SYT1: variants seen among roughly 807,000 people sequenced by gnomAD.
SYT1 encodes the protein synaptotagmin-1.
Under a neutral mutation model 44.8 loss-of-function variants are expected in SYT1, and 8 were observed. The observed-to-expected ratio is 0.18, with a 90% CI of 0.10 to 0.32. The LOEUF (loss-of-function observed/expected upper bound fraction) is 0.32, where lower values mean the gene tolerates loss of function less well. SYT1 is among the 10% of genes least tolerant of loss of function. The pLI is 1.00. For synonymous variants in SYT1, 154 were observed against 188.8 expected (o/e 0.82, Z 1.51); for missense variants, 286 against 509.3 (o/e 0.56, Z 4.22).
chr12:79,116,066 G>A (rs1247546141), intron 3 of SYT1, among the ~76,000 whole-genome samples: 21 of 152,132 alleles, frequency 1.4e-4, no homozygotes, highest in Admixed American at 1.4e-3. Flanking sequence ...GGATGACCTT[G>A]GAATTATCAT....
intron 8 of SYT1, among the ~76,000 whole-genome samples, chr12:79,345,503 C>G (rs1882569425): frequency 6.6e-6 from 1 of 152,116 alleles, no homozygotes; most frequent in Non-Finnish European, 1.5e-5. Context: ...CGAATATAAA[C>G]CAATGAGTTA....
chr12:79,265,778 A>T (rs1042925170), intron 4 of SYT1, among the ~76,000 whole-genome samples: 1 of 152,316 alleles, frequency 6.6e-6, no homozygotes, highest in Non-Finnish European at 1.5e-5. Context: ...CAGAAAGTGA[A>T]AAAAACTATA....
intron 2 of SYT1, among the ~76,000 whole-genome samples, chr12:79,046,928 C>T (rs1334478219): frequency 6.6e-6 from 1 of 151,748 alleles, no homozygotes; most frequent in Non-Finnish European, 1.5e-5. Context: ...TGAGACAGCA[C>T]CAGATATTTA....
intron 1 of SYT1, among the ~76,000 whole-genome samples, chr12:78,876,917 A>G (rs1264644482): frequency 1.8e-5 from 2 of 112,070 alleles, no homozygotes; most frequent in African/African-American, 6.4e-5. Flanking sequence ...TATGTATTAT[A>G]TATAATATAT....
chr12:79,320,966 C>T (rs1592963939), intron 8 of SYT1, among the ~76,000 whole-genome samples: 2 of 152,020 alleles, frequency 1.3e-5, no homozygotes, highest in African/African-American at 4.8e-5. Flanking sequence ...CCACTGCAAA[C>T]CCCCAAACCC....
chr12:78,882,388 T>G (rs1338759881), intron 1 of SYT1, among the ~76,000 whole-genome samples: 1 of 151,716 alleles, frequency 6.6e-6, no homozygotes, highest in African/African-American at 2.4e-5. Flanking sequence ...GAATACAAAT[T>G]TAATCACTCT....
chr12:78,959,477 T>C (rs1879389863), intron 1 of SYT1, among the ~76,000 whole-genome samples: 1 of 152,226 alleles, frequency 6.6e-6, no homozygotes, highest in Admixed American at 6.6e-5. Flanking sequence ...TCAAATTTGT[T>C]CTTTAATTTT....
chr12:78,876,846 A>ATTATATATATTATATG, intron 1 of SYT1, among the ~76,000 whole-genome samples: 1 of 41,110 alleles, frequency 2.4e-5, no homozygotes, highest in East Asian at 6.8e-4. Context: ...TATATAATAT[A>ATTATATATATTATATG]TATTATATAT....
intron 9 of SYT1, among the ~76,000 whole-genome samples, chr12:79,436,994 G>T (rs762709878): frequency 6.6e-6 from 1 of 152,264 alleles, no homozygotes; most frequent in East Asian, 1.9e-4. Flanking sequence ...AAATCTTCAG[G>T]GAAGTGGTGA....
chr12:79,288,147 G>A (rs1208277031), intron 5 of SYT1, among the ~76,000 whole-genome samples: 2 of 152,000 alleles, frequency 1.3e-5, no homozygotes, highest in Admixed American at 1.3e-4. Context: ...AGCTAATCAT[G>A]GGTTCCATCA....
chr12:79,322,523 A>G (rs894344405), intron 8 of SYT1, among the ~76,000 whole-genome samples: 1 of 152,198 alleles, frequency 6.6e-6, no homozygotes, highest in Non-Finnish European at 1.5e-5. Flanking sequence ...TTATGAGTGT[A>G]TCAGTGAATA....
At chr12:79,275,434 C>T (rs1278342258) in intron 4 of SYT1, among the ~76,000 whole-genome samples, 1 of 152,096 alleles carries the variant, frequency 6.6e-6, no homozygotes, top group African/African-American at 2.4e-5. Flanking sequence ...GGGAGGTGTG[C>T]CCTCCAGGTT....
At chr12:78,950,773 A>G (rs1464517720) in intron 1 of SYT1, among the ~76,000 whole-genome samples, 2 of 152,038 alleles carry the variant, frequency 1.3e-5, no homozygotes, top group Non-Finnish European at 2.9e-5. Flanking sequence ...GTTTTCCTTA[A>G]CCACAAATCT....
chr12:79,117,053 A>G (rs1879313247), intron 3 of SYT1, among the ~76,000 whole-genome samples: 1 of 152,206 alleles, frequency 6.6e-6, no homozygotes, highest in Non-Finnish European at 1.5e-5. Context: ...CTAAAGTTAA[A>G]TTCTTGAGTG....
chr12:79,384,875 G>A (rs1003343345), intron 9 of SYT1, among the ~76,000 whole-genome samples: 4 of 151,916 alleles, frequency 2.6e-5, no homozygotes, highest in Non-Finnish European at 4.4e-5. Context: ...GTTTATGTAT[G>A]GGTGTTTAAT....
chr12:78,977,433 T>TC lies in SYT1; in HGVS notation c.-216-366_-216-365insC, dbSNP rs1255850544. The TC allele has an allele frequency of 6.6e-5, 10 of 152,330 alleles. No homozygotes were observed. In the East Asian group the frequency reaches 1.9e-3, roughly 29 times the overall value. 9.4% of individuals were successfully genotyped at this position (152,330 alleles called of 1,614,324 possible). Reference sequence around the variant, plus strand: ...CTTGTTAGCAAAACAAAGTGTGAATTGCTTAGATAATTCCCTGCTGTTGGT... The same window carrying TC: ...CTTGTTAGCAAAACAAAGTGTGAATTCGCTTAGATAATTCCCTGCTGTTGGT... On this transcript the variant is annotated intron_variant, in intron 1 of 10. Transcript: ENST00000261205.
intron 3 of SYT1, among the ~76,000 whole-genome samples, chr12:79,074,664 C>T (rs1876513979): frequency 6.6e-6 from 1 of 152,138 alleles, no homozygotes; most frequent in South Asian, 2.1e-4. Context: ...TCTCAGACTC[C>T]TATTCTTGAC....
intron 1 of SYT1, among the ~76,000 whole-genome samples, chr12:78,913,324 G>T (rs1311801537): frequency 2.0e-5 from 3 of 150,944 alleles, no homozygotes; most frequent in Non-Finnish European, 4.4e-5. Context: ...CACTCTTTTT[G>T]TCTTATTAAT....
chr12:78,924,572 T>C (rs935609023), intron 1 of SYT1, among the ~76,000 whole-genome samples: 1 of 149,700 alleles, frequency 6.7e-6, no homozygotes, highest in Non-Finnish European at 1.5e-5. Context: ...TATTATTCAA[T>C]GGGTTGTCAT....
Sources: gnomAD v4.1 joint callset for allele counts (sites outside exome capture counted in the v4.1 genomes callset) on GRCh38, gnomAD v4.1.1 for gene constraint, MANE v1.5 for transcripts, NCBI Gene and HGNC (gene_info 2026-07-23, HGNC 2026-07-21) for gene names.